Variants in SUV39H2 observed in about 807,000 individuals in gnomAD.
SUV39H2 encodes the protein SUV39H2 histone lysine methyltransferase.
In SUV39H2, 10 loss-of-function variants were observed where a neutral mutation model predicts 47.5. The ratio of observed to expected loss-of-function variants is 0.21; its 90% CI spans 0.13 to 0.36. SUV39H2 has a LOEUF of 0.36. SUV39H2 is among the 10% of genes least tolerant of loss of function. The pLI, the probability that SUV39H2 is intolerant of heterozygous loss-of-function variation, is 1.00. For missense variants in SUV39H2, 266 were observed against 487.4 expected, an observed-to-expected ratio of 0.55 and a Z score of 4.28; for synonymous variants, 159 against 166.8, an observed-to-expected ratio of 0.95 and a Z score of 0.36.
At chr10:14,895,368 G>T (rs1313319774) in intron 2 of SUV39H2, among the ~76,000 whole-genome samples, 2 of 151,924 alleles carry the variant, frequency 1.3e-5, no homozygotes, top group Non-Finnish European at 2.9e-5. Flanking sequence ...AGTAGACAGG[G>T]TTTCGCCATA....
At chr10:14,881,226 A>G (rs2131667951) in intron 1 of SUV39H2, among the ~76,000 whole-genome samples, 1 of 152,342 alleles carries the variant, frequency 6.6e-6, no homozygotes, top group South Asian at 2.1e-4. Context: ...GCTTACAGAC[A>G]TGAAACATTT....
intron 2 of SUV39H2, among the ~76,000 whole-genome samples, chr10:14,892,963 G>A (rs1170210820): frequency 9.3e-5 from 14 of 150,208 alleles, no homozygotes; most frequent in Admixed American, 6.0e-4. Context: ...GGGATTACAG[G>A]TGCCTGCCCA....
chr10:14,899,518 CT>C lies in SUV39H2; in HGVS notation c.850-19del. On this transcript the variant is annotated intron_variant, in intron 3 of 5. Transcript: ENST00000354919. ...TTTGGTTCAGTAGCTACGTAATATA[CT>C]TACAGTTTTTTCTGTTTAGGTAATC... The C allele has an allele frequency of 6.2e-7, 1 of 1,612,748 alleles. No homozygotes were observed. The highest frequency in any genetic ancestry group is 8.5e-7 in the Non-Finnish European group (1 of 1,179,624).
At chr10:14,894,814 C>T (rs1421449026) in intron 2 of SUV39H2, among the ~76,000 whole-genome samples, 2 of 152,160 alleles carry the variant, frequency 1.3e-5, no homozygotes, top group Non-Finnish European at 2.9e-5. Flanking sequence ...TCCCTCAGCC[C>T]AATTTGTGCC....
At chr10:14,879,151 C>T (rs967600876) in intron 1 of SUV39H2, 2 of 1,222,262 alleles carry the variant, frequency 1.6e-6, no homozygotes, top group Non-Finnish European at 2.0e-6. Flanking sequence ...GAGCCTGGGG[C>T]ACTTCGGAAG....
At chr10:14,899,365 T>G (rs1035049562) in intron 3 of SUV39H2, 174 bp from the exon 4 acceptor site, 12 of 727,202 alleles carry the variant, frequency 1.7e-5, no homozygotes, top group African/African-American at 1.6e-4. Flanking sequence ...TTTCTTCCCC[T>G]CATTTTCCCA....
intron 2 of SUV39H2, among the ~76,000 whole-genome samples, chr10:14,883,082 T>C (rs1219516740): frequency 6.6e-6 from 1 of 152,080 alleles, no homozygotes; most frequent in Non-Finnish European, 1.5e-5. Flanking sequence ...TTGGCCAGGC[T>C]GGTCTCAAAC....
rs1470350336 is a variant in SUV39H2 at position 14,902,762 on chromosome 10, G to C, written c.*250G>C. ...ACTAATGGAAGGCAGACTATTTACA[G>C]CTTAGTATATGTGTACTTAAGTCTA... On this transcript the variant is annotated 3_prime_UTR_variant, in exon 6 of 6. Coordinates refer to ENST00000354919, the MANE Select transcript of SUV39H2 (RefSeq NM_001193424.2). 3.5e-6 allele frequency: 1 copy of C among 282,498 alleles called. No individual in the cohort carries two copies. The highest frequency in any genetic ancestry group is 4.7e-5 in the Admixed American group (1 of 21,146). 17.5% of individuals were successfully genotyped at this position (282,498 alleles called of 1,614,324 possible).
chr10:14,901,321 A>C, intron 5 of SUV39H2, 59 bp downstream of exon 5: 2 of 1,603,306 alleles, frequency 1.2e-6, no homozygotes, highest in Non-Finnish European at 1.7e-6. Flanking sequence ...ATCAAATCAG[A>C]CTAGGAACAG....
At position 14,901,294 on chromosome 10, in the gene SUV39H2, C is replaced by G. The variant is rs1240727942; in HGVS notation, c.1126+32C>G. 5 of 1,611,868 alleles carry G rather than the reference C, an allele frequency of 3.1e-6. No individual in the cohort carries two copies. The African/African-American group carries it at 4.0e-5, about 13-fold the overall frequency. The stretch of plus-strand genomic sequence containing the variant: ...TTTTCAAGTACAGTTTCATTGGTGT[C>G]AGTTTCAATATGAAGAATCAAATCA... On this transcript the variant is annotated intron_variant, in intron 5 of 5. Coordinates refer to ENST00000354919, the MANE Select transcript of SUV39H2 (RefSeq NM_001193424.2).
intron 2 of SUV39H2, among the ~76,000 whole-genome samples, chr10:14,883,704 CAA>C (rs58522342): frequency 0.012 from 589 of 49,930 alleles, 1 homozygote; most frequent in African/African-American, 0.025. Flanking sequence ...GACTCAGTCT[CAA>C]AAAAAAAAAA....
chr10:14,882,128 T>G (rs1459466396), intron 2 of SUV39H2, among the ~76,000 whole-genome samples: 1 of 152,218 alleles, frequency 6.6e-6, no homozygotes, highest in Non-Finnish European at 1.5e-5. Context: ...CAGCTTTTGT[T>G]TAGTACCTTA....
At chr10:14,899,745 A>G (rs541394387) in intron 4 of SUV39H2, 60 bp downstream of exon 4, 4 of 1,565,968 alleles carry the variant, frequency 2.6e-6, no homozygotes, top group African/African-American at 1.4e-5. Context: ...ACTAGTTTCC[A>G]TAGCTAAAGA....
chr10:14,882,618 T>G (rs890788033), intron 2 of SUV39H2, among the ~76,000 whole-genome samples: 1 of 152,254 alleles, frequency 6.6e-6, no homozygotes, highest in African/African-American at 2.4e-5. Context: ...CAGTTCTACC[T>G]GACAAGCTTT....
chr10:14,890,242 T>C (rs1013852504), intron 2 of SUV39H2, among the ~76,000 whole-genome samples: 1 of 152,228 alleles, frequency 6.6e-6, no homozygotes, highest in Non-Finnish European at 1.5e-5. Flanking sequence ...TAACAATCAA[T>C]GTCATGTGGC....
rs561337477 is a variant in SUV39H2 at position 14,900,523 on chromosome 10, A to G, written c.997-610A>G. Among the ~76,000 whole-genome samples, 5 of 152,340 alleles carry G rather than the reference A, an allele frequency of 3.3e-5. No individual in the cohort carries two copies. The South Asian group carries it at 1.0e-3, about 32-fold the overall frequency. ...TAAACATTGAAGAATTTTTTTCTTA[A>G]TGATAAATTCGAGATACTCTCAAAA... is the stretch of plus-strand genomic sequence containing the variant. On this transcript the variant is annotated intron_variant, in intron 4 of 5. Transcript: ENST00000354919.
intron 2 of SUV39H2, among the ~76,000 whole-genome samples, chr10:14,895,011 C>T (rs1397517805): frequency 6.6e-6 from 1 of 151,702 alleles, no homozygotes; most frequent in East Asian, 1.9e-4. Context: ...TGTAACTGTC[C>T]AATGCAGTTT....
rs1833838316 is a variant in SUV39H2 at position 14,899,419 on chromosome 10, A to G, written c.850-120A>G. 6 of 1,070,204 alleles carry G rather than the reference A, an allele frequency of 5.6e-6. No homozygotes were observed. The Admixed American group carries it at 1.4e-4, about 25-fold the overall frequency. 66.3% of individuals were successfully genotyped at this position (1,070,204 alleles called of 1,614,324 possible). A position where few individuals can be genotyped will look rare whatever the true frequency, so the allele number is the denominator to read the frequency against. On this transcript the variant is annotated intron_variant, in intron 3 of 5. Coordinates refer to ENST00000354919, the MANE Select transcript of SUV39H2 (RefSeq NM_001193424.2). ...TTAGTTTGTGTGAATGTTTGCTTTG[A>G]TGACACCTGAATTTCTTACTTTTTA...
chr10:14,901,184 C>T lies in SUV39H2; in HGVS notation c.1048C>T (p.Arg350Cys), dbSNP rs1564346495. The T allele has an allele frequency of 6.2e-7, 1 of 1,613,884 alleles. No homozygotes were observed. Among genetic ancestry groups the T allele is most frequent in the Non-Finnish European group, 8.5e-7 (1 of 1,179,960 alleles). Residue 350 changes from arginine to cysteine, a missense_variant, in exon 5 of 6, where the codon CGT becomes TGT. This residue lies in a region of SUV39H2 where 112 missense variants were observed against 271.9 expected (regional missense o/e 0.41). Transcript: ENST00000354919. ...FNVFIDNLDT[R>C]LPRIALFSTR... ...TGTTTTCATTGATAACCTCGATACT[C>T]GTCTTCCCCGAATAGCATTGTTTTC...
Sources: gnomAD v4.1 joint callset for allele counts (sites outside exome capture counted in the v4.1 genomes callset) on GRCh38, gnomAD v4.1.1 for gene constraint, gnomAD v4.1.1 regional missense constraint, MANE v1.5 for transcripts, NCBI Gene and HGNC (gene_info 2026-07-23, HGNC 2026-07-21) for gene names.